Variants in ITGAE observed in about 807,000 individuals in gnomAD.
The protein encoded by ITGAE is integrin alpha-E.
In ITGAE, 99 loss-of-function variants were observed where a neutral mutation model predicts 136.5. The ratio of observed to expected loss-of-function variants is 0.73; its 90% confidence interval spans 0.62 to 0.86. The LOEUF is 0.86. ITGAE is among the 40% of genes least tolerant of loss of function. ITGAE has a pLI of 0.00. For synonymous variants in ITGAE, 613 were observed against 591.8 expected, an observed-to-expected ratio of 1.04 and a Z score of -0.52; for missense variants, 1,447 against 1,515.3, an observed-to-expected ratio of 0.95 and a Z score of 0.75.
At chr17:3,752,318 C>T (rs1220904544) in intron 14 of ITGAE, among the ~76,000 whole-genome samples, 1 of 152,226 alleles carries the variant, frequency 6.6e-6, no homozygotes, top group African/African-American at 2.4e-5. Flanking sequence ...GCCAGGTACA[C>T]TTGAGCAAGT....
At chr17:3,715,019 T>TTAGGCAACA in intron 30 of ITGAE, 77 bp from the exon 31 acceptor site, 1 of 796,210 alleles carries the variant, frequency 1.3e-6, no homozygotes, top group Non-Finnish European at 2.1e-6. Context: ...TTCTGGCTGT[T>TTAGGCAACA]GCCTAAATAG....
At chr17:3,730,877 G>A (rs993972815) in intron 23 of ITGAE, among the ~76,000 whole-genome samples, 4 of 152,212 alleles carry the variant, frequency 2.6e-5, no homozygotes, top group African/African-American at 4.8e-5. Context: ...CCACCAGGCT[G>A]TACCACAGTT....
At chr17:3,800,793 T>C (rs1370099867) in intron 1 of ITGAE, among the ~76,000 whole-genome samples, 1 of 152,146 alleles carries the variant, frequency 6.6e-6, no homozygotes. Flanking sequence ...GTCAAGGACC[T>C]GCCCCAAGTG....
intron 20 of ITGAE, chr17:3,738,829 C>G (rs1195700792): frequency 6.6e-6 from 1 of 152,234 alleles, no homozygotes; most frequent in African/African-American, 2.4e-5. Context: ...AACTGTTACT[C>G]CCGTCATGGC....
At chr17:3,754,833 C>G in intron 12 of ITGAE, 2 of 426,828 alleles carry the variant, frequency 4.7e-6, no homozygotes, top group Non-Finnish European at 4.2e-6. Flanking sequence ...CCCCACCCTC[C>G]TCACGTAACT....
intron 22 of ITGAE, among the ~76,000 whole-genome samples, chr17:3,731,814 T>C (rs564177449): frequency 6.6e-6 from 1 of 151,806 alleles, no homozygotes; most frequent in South Asian, 2.1e-4. Context: ...GGCTCATGCC[T>C]GTCATCCCAG....
chr17:3,728,445 C>A, intron 24 of ITGAE: 1 of 315,510 alleles, frequency 3.2e-6, no homozygotes, highest in Non-Finnish European at 5.8e-6. Context: ...GCGATCTCAG[C>A]TCACTGCAAC....
intron 18 of ITGAE, among the ~76,000 whole-genome samples, chr17:3,744,218 C>A (rs1460137991): frequency 6.6e-6 from 1 of 151,958 alleles, no homozygotes; most frequent in Non-Finnish European, 1.5e-5. Context: ...AAGAAATAAA[C>A]AATAAAAGTG....
At chr17:3,800,902 T>C (rs951220014) in intron 1 of ITGAE, among the ~76,000 whole-genome samples, 10 of 152,138 alleles carry the variant, frequency 6.6e-5, no homozygotes, top group African/African-American at 2.4e-4. Flanking sequence ...CTGACAGAAC[T>C]GGCAACACGA....
intron 20 of ITGAE, among the ~76,000 whole-genome samples, chr17:3,738,239 C>T (rs949367537): frequency 6.9e-6 from 1 of 145,780 alleles, no homozygotes; most frequent in Non-Finnish European, 1.5e-5. Context: ...GGAGCGATCT[C>T]GGCTCACTGC....
chr17:3,768,399 G>C (rs974703222), intron 2 of ITGAE, among the ~76,000 whole-genome samples: 2 of 152,116 alleles, frequency 1.3e-5, no homozygotes, highest in African/African-American at 4.8e-5. Context: ...TGCTGGGAGT[G>C]AGCCTAGTGA....
chr17:3,780,428 G>A lies in ITGAE; in HGVS notation c.35-2768C>T, dbSNP rs1217182662. ...TCCGCCCACCTCGGCCTCCCAAAGT[G>A]CTGGGATTACAGGCGTGAGCCACCG... On this transcript the variant is annotated intron_variant, in intron 1 of 30. Transcript: ENST00000263087. Among the ~76,000 whole-genome samples the A allele has an allele frequency of 2.0e-5, 3 of 152,056 alleles. No individual in the cohort carries two copies. The East Asian group carries it at 5.8e-4, about 29-fold the overall frequency.
At chr17:3,800,721 G>A (rs1182435934) in intron 1 of ITGAE, among the ~76,000 whole-genome samples, 1 of 152,144 alleles carries the variant, frequency 6.6e-6, no homozygotes, top group Non-Finnish European at 1.5e-5. Context: ...CCCAACCCCT[G>A]CTCTGTAACA....
At position 3,763,956 on chromosome 17, in the gene ITGAE, G is replaced by A. The variant is rs749049203; in HGVS notation, c.160C>T (p.Leu54=). The change falls in exon 3 of 31, where the codon CTG becomes TTG. Residue 54 remains leucine, a synonymous_variant. Transcript: ENST00000263087. ...QDPSTNQTWL[L]VTSPRTKRTP... is the part of the protein sequence containing the mutation. Reference sequence around the variant, plus strand: ...CTCTTGGTTCTGGGGCTGGTGACCAGGAGCCTGAGTGGGAGGGGAGGTTGC... The same window carrying A: ...CTCTTGGTTCTGGGGCTGGTGACCAAGAGCCTGAGTGGGAGGGGAGGTTGC... 27 of 1,611,610 alleles carry A rather than the reference G, an allele frequency of 1.7e-5. No individual in the cohort carries two copies. Among genetic ancestry groups the A allele is most frequent in the Non-Finnish European group, 2.0e-5 (24 of 1,178,382 alleles).
At chr17:3,797,663 G>C (rs2058579409) in intron 1 of ITGAE, among the ~76,000 whole-genome samples, 2 of 151,660 alleles carry the variant, frequency 1.3e-5, no homozygotes, top group Admixed American at 1.3e-4. Flanking sequence ...GTTTCACCGT[G>C]TTGGCCAGGA....
At chr17:3,725,163 A>T in intron 26 of ITGAE, 3 of 1,614,136 alleles carry the variant, frequency 1.9e-6, no homozygotes, top group African/African-American at 1.3e-5. Flanking sequence ...TACCACTGCC[A>T]CTTCTCTCTC....
chr17:3,789,719 T>C (rs1259335701), intron 1 of ITGAE, among the ~76,000 whole-genome samples: 1 of 152,156 alleles, frequency 6.6e-6, no homozygotes, highest in Non-Finnish European at 1.5e-5. Context: ...CAGGCTGGTC[T>C]TGAACTCCTG....
chr17:3,720,005 C>A (rs1003276817), intron 29 of ITGAE, among the ~76,000 whole-genome samples: 1 of 152,172 alleles, frequency 6.6e-6, no homozygotes, highest in Non-Finnish European at 1.5e-5. Flanking sequence ...GGATTACAGG[C>A]GTGAGCCACC....
At chr17:3,760,501 G>C (rs1444763530) in intron 6 of ITGAE, among the ~76,000 whole-genome samples, 2 of 145,874 alleles carry the variant, frequency 1.4e-5, no homozygotes, top group Non-Finnish European at 3.0e-5. Flanking sequence ...GGGCAGTGGT[G>C]GGATCTCAGC....
Sources: gnomAD v4.1 joint callset for allele counts (sites outside exome capture counted in the v4.1 genomes callset) on GRCh38, gnomAD v4.1.1 for gene constraint, MANE v1.5 for transcripts, NCBI Gene and HGNC (gene_info 2026-07-23, HGNC 2026-07-21) for gene names.